The following TMC1 variants were observed in gnomAD, a reference collection of about 807,000 sequenced individuals.
The protein encoded by TMC1 is transmembrane channel-like protein 1.
In TMC1, 84 loss-of-function variants were observed where a neutral mutation model predicts 105.8. The observed-to-expected ratio is 0.79, with a 90% CI of 0.67 to 0.95. The LOEUF (loss-of-function observed/expected upper bound fraction) is 0.95, where lower values mean the gene tolerates loss of function less well. Among genes scored for constraint, TMC1 ranks in the 40% least tolerant of loss-of-function variants. The pLI is 0.00. For synonymous variants in TMC1, 315 were observed against 311.5 expected, an observed-to-expected ratio of 1.01 and a Z score of -0.12; for missense variants, 817 against 914.1, an observed-to-expected ratio of 0.89 and a Z score of 1.37.
intron 5 of TMC1, chr9:72,656,039 T>A: frequency 1.4e-6 from 1 of 730,148 alleles, no homozygotes; most frequent in Non-Finnish European, 2.5e-6. Context: ...TGAACTGGTC[T>A]TTTCACTTTG....
chr9:72,744,113 A>C (rs1028388526), intron 10 of TMC1, among the ~76,000 whole-genome samples: 1 of 152,234 alleles, frequency 6.6e-6, no homozygotes, highest in Non-Finnish European at 1.5e-5. Context: ...TCAATATCAG[A>C]TGGGAATTAT....
chr9:72,834,632 T>C (rs367926647), intron 23 of TMC1, among the ~76,000 whole-genome samples: 1 of 152,170 alleles, frequency 6.6e-6, no homozygotes, highest in Non-Finnish European at 1.5e-5. Flanking sequence ...GGCTCAGCTT[T>C]CAACCTACAA....
At chr9:72,592,461 G>A (rs919014351) in intron 2 of TMC1, among the ~76,000 whole-genome samples, 2 of 152,132 alleles carry the variant, frequency 1.3e-5, no homozygotes, top group African/African-American at 2.4e-5. Flanking sequence ...CTCAGGTGCC[G>A]TGATCCTCCA....
intron 6 of TMC1, among the ~76,000 whole-genome samples, chr9:72,690,506 G>A (rs1356268128): frequency 6.6e-6 from 1 of 151,908 alleles, no homozygotes; most frequent in Non-Finnish European, 1.5e-5. Flanking sequence ...AGCATTACTT[G>A]TAAGAAAAGT....
At chr9:72,821,982 A>C (rs2118302861) in intron 20 of TMC1, among the ~76,000 whole-genome samples, 1 of 152,324 alleles carries the variant, frequency 6.6e-6, no homozygotes, top group Middle Eastern at 3.4e-3. Context: ...TCTCCTAATT[A>C]TCATTCAAGT....
chr9:72,569,676 A>T (rs572393978), intron 1 of TMC1, among the ~76,000 whole-genome samples: 1 of 152,210 alleles, frequency 6.6e-6, no homozygotes, highest in Non-Finnish European at 1.5e-5. Context: ...TACAGTGTGC[A>T]TGGAGAGAGG....
At chr9:72,550,287 G>T (rs1055476114) in intron 1 of TMC1, among the ~76,000 whole-genome samples, 1 of 151,858 alleles carries the variant, frequency 6.6e-6, no homozygotes, top group Non-Finnish European at 1.5e-5. Context: ...GGCCAAAATG[G>T]TGAAACCCTG....
chr9:72,713,609 G>C (rs1000163409), intron 8 of TMC1, among the ~76,000 whole-genome samples: 2 of 151,980 alleles, frequency 1.3e-5, no homozygotes, highest in Non-Finnish European at 2.9e-5. Context: ...CTGTGGGATC[G>C]GCGGTGATAT....
intron 13 of TMC1, among the ~76,000 whole-genome samples, chr9:72,775,652 T>C (rs777934460): frequency 6.6e-6 from 1 of 152,206 alleles, no homozygotes; most frequent in Non-Finnish European, 1.5e-5. Flanking sequence ...GTTTGTAGGA[T>C]GTTTTAGTCC....
At chr9:72,787,642 C>CATATAT (rs141473671) in intron 13 of TMC1, among the ~76,000 whole-genome samples, 2 of 148,086 alleles carry the variant, frequency 1.4e-5, no homozygotes, top group Non-Finnish European at 3.0e-5. Context: ...CATGCAAATA[C>CATATAT]ATATATATAT....
intron 8 of TMC1, among the ~76,000 whole-genome samples, chr9:72,739,254 A>G (rs975874316): frequency 2.0e-5 from 3 of 152,182 alleles, no homozygotes; most frequent in African/African-American, 7.2e-5. Context: ...TTACAAGGGC[A>G]CTAATTCCAT....
intron 10 of TMC1, among the ~76,000 whole-genome samples, chr9:72,747,179 A>G (rs1827503192): frequency 6.6e-6 from 1 of 152,210 alleles, no homozygotes; most frequent in African/African-American, 2.4e-5. Flanking sequence ...GCCAAAGCAC[A>G]GGGCTTAAAC....
intron 2 of TMC1, among the ~76,000 whole-genome samples, chr9:72,608,892 T>C (rs759204771): frequency 3.3e-5 from 5 of 152,110 alleles, no homozygotes; most frequent in Non-Finnish European, 7.4e-5. Context: ...ATTCTTCAAA[T>C]AGATATTTTT....
At chr9:72,697,026 A>G (rs1826562290) in intron 7 of TMC1, among the ~76,000 whole-genome samples, 2 of 152,200 alleles carry the variant, frequency 1.3e-5, no homozygotes, top group African/African-American at 4.8e-5. Context: ...TGTGTCAACA[A>G]CTGTACCCTG....
At chr9:72,659,554 A>G (rs999769970) in intron 5 of TMC1, among the ~76,000 whole-genome samples, 5 of 152,204 alleles carry the variant, frequency 3.3e-5, no homozygotes, top group Non-Finnish European at 2.9e-5. Context: ...GAATCACTTG[A>G]ACCTGGAAGG....
chr9:72,654,098 G>C (rs969151132), intron 5 of TMC1, among the ~76,000 whole-genome samples: 1 of 152,178 alleles, frequency 6.6e-6, no homozygotes, highest in African/African-American at 2.4e-5. Context: ...GTGAACATTT[G>C]AATAGAAGTC....
chr9:72,736,261 T>A (rs1225907287), intron 8 of TMC1, among the ~76,000 whole-genome samples: 1 of 152,214 alleles, frequency 6.6e-6, no homozygotes, highest in Admixed American at 6.5e-5. Context: ...AAATGATATT[T>A]ATAACATCTG....
chr9:72,659,910 T>C (rs1366835483), intron 5 of TMC1, among the ~76,000 whole-genome samples: 1 of 152,216 alleles, frequency 6.6e-6, no homozygotes, highest in Non-Finnish European at 1.5e-5. Context: ...TTGAGATTCC[T>C]GAGCCTTAAC....
At chr9:72,740,913 G>T (rs1409352037) in intron 9 of TMC1, among the ~76,000 whole-genome samples, 1 of 151,928 alleles carries the variant, frequency 6.6e-6, no homozygotes, top group Non-Finnish European at 1.5e-5. Flanking sequence ...TAAATAAATT[G>T]AATCATATAG....
Sources: allele counts gnomAD v4.1 joint callset (sites outside exome capture counted in the v4.1 genomes callset), GRCh38; gene constraint gnomAD v4.1.1; transcripts MANE v1.5; gene names NCBI Gene and HGNC (gene_info 2026-07-23, HGNC 2026-07-21).